Variants in DSTYK observed in about 807,000 individuals in gnomAD.
DSTYK encodes the protein RIP-homologous kinase.
In DSTYK, 34 loss-of-function variants were observed where a neutral mutation model predicts 98.7. The ratio of observed to expected loss-of-function variants is 0.34; its 90% CI spans 0.26 to 0.46. The LOEUF (loss-of-function observed/expected upper bound fraction) is 0.46. Among genes scored for constraint, DSTYK ranks in the 20% least tolerant of loss-of-function variants. The probability of loss-of-function intolerance (pLI) is 1.00; values close to 1 mark genes in which losing one functional copy is unlikely to be tolerated. For missense variants in DSTYK, 962 were observed against 1,181.7 expected (o/e 0.81, Z 2.73); for synonymous variants, 462 against 457.3 (o/e 1.01, Z -0.13).
chr1:205,155,963 C>G (rs888197760), intron 10 of DSTYK, among the ~76,000 whole-genome samples: 1 of 152,226 alleles, frequency 6.6e-6, no homozygotes, highest in African/African-American at 2.4e-5. Context: ...CTAAAAGGGG[C>G]CACCACATAG....
intron 7 of DSTYK, 44 bp from the exon 8 acceptor site, chr1:205,160,314 T>G (rs1436665013): frequency 6.4e-7 from 1 of 1,565,608 alleles, no homozygotes; most frequent in Non-Finnish European, 8.7e-7. Context: ...GAATGGGAAC[T>G]TCGTGGGCAA....
intron 1 of DSTYK, among the ~76,000 whole-genome samples, chr1:205,208,183 CT>C (rs1659264466): frequency 6.6e-6 from 1 of 152,150 alleles, no homozygotes; most frequent in African/African-American, 2.4e-5. Flanking sequence ...CCCAGCCTTA[CT>C]TTTTAAATTC....
At chr1:205,174,277 G>A (rs1452677789) in intron 2 of DSTYK, among the ~76,000 whole-genome samples, 1 of 151,940 alleles carries the variant, frequency 6.6e-6, no homozygotes, top group Non-Finnish European at 1.5e-5. Flanking sequence ...CACTTTGGGA[G>A]GCCGAGGCAG....
rs1280146701 is a variant in DSTYK, at chr1:205,144,669, AGAGACTTTC to A, written c.*2880_*2888del. ...TCCATATGTGGACTTTGGCTGGCCT[AGAGACTTTC>A]AAGAATATTTTGCACCTTTTCTCAA... On this transcript the variant is annotated 3_prime_UTR_variant, in exon 13 of 13. Transcript: ENST00000367162. 27 of 152,512 alleles carry A rather than the reference AGAGACTTTC, an allele frequency of 1.8e-4. No homozygotes were observed. The highest frequency in any genetic ancestry group is 6.5e-4 in the African/African-American group (27 of 41,584). The allele number at this position is 152,512 out of a possible 1,614,324, so 9.4% of individuals were successfully genotyped here. A position where few individuals can be genotyped will look rare whatever the true frequency, so the allele number is the denominator to read the frequency against.
intron 2 of DSTYK, among the ~76,000 whole-genome samples, chr1:205,185,857 T>C (rs1463610317): frequency 6.6e-6 from 1 of 152,002 alleles, no homozygotes; most frequent in Admixed American, 6.6e-5. Flanking sequence ...ACCCTGTCTC[T>C]ACTAAAATTA....
chr1:205,210,335 T>C (rs192773684), intron 1 of DSTYK, among the ~76,000 whole-genome samples: 304 of 152,290 alleles, frequency 2.0e-3, no homozygotes, highest in African/African-American at 7.0e-3. Context: ...ATACACACTT[T>C]AGTTTGAGAA....
At chr1:205,195,069 C>T (rs1157192255) in intron 1 of DSTYK, among the ~76,000 whole-genome samples, 2 of 151,368 alleles carry the variant, frequency 1.3e-5, no homozygotes, top group East Asian at 1.9e-4. Flanking sequence ...TCAGGTGATC[C>T]GCCTGCCTCA....
chr1:205,190,632 A>AC (rs1469622577), intron 1 of DSTYK, among the ~76,000 whole-genome samples: 1 of 150,900 alleles, frequency 6.6e-6, no homozygotes, highest in Non-Finnish European at 1.5e-5. Flanking sequence ...AAAAAAAAAA[A>AC]AAAAACCCAA....
At chr1:205,154,072 T>C (rs1644124481) in intron 10 of DSTYK, among the ~76,000 whole-genome samples, 1 of 151,570 alleles carries the variant, frequency 6.6e-6, no homozygotes, top group Non-Finnish European at 1.5e-5. Flanking sequence ...TGTGTGTGTG[T>C]GTGTGTGTGT....
chr1:205,164,130 A>G (rs1380303497), intron 3 of DSTYK, among the ~76,000 whole-genome samples, 175 bp from the exon 4 acceptor site: 1 of 152,186 alleles, frequency 6.6e-6, no homozygotes, highest in Admixed American at 6.5e-5. Flanking sequence ...CGTAACCCTC[A>G]ACTACTAAAG....
chr1:205,162,201 G>A lies in DSTYK; in HGVS notation c.1653C>T (p.Arg551=), dbSNP rs754209947. 2 of 1,613,882 alleles carry A rather than the reference G, an allele frequency of 1.2e-6. No individual in the cohort carries two copies. The highest frequency in any genetic ancestry group is 1.3e-5 in the African/African-American group (1 of 74,948). The part of the protein sequence containing the change: ...LWEQIKQIIQ[R]ITWVSPPAIT... ...TGGCAGGTGGGCTCACCCATGTGAT[G>A]CGCTGGATGATCTACCAGGATGAAG... The change falls in exon 6 of 13, where the codon CGC becomes CGT. Residue 551 remains arginine, a synonymous_variant. Coordinates refer to ENST00000367162, the MANE Select transcript of DSTYK (RefSeq NM_015375.3).
In DSTYK at chr1:205,163,722, C is replaced by A; in HGVS notation, c.1557+1G>T. On this transcript the variant is annotated splice_donor_variant, in intron 4 of 12. Coordinates refer to ENST00000367162, the MANE Select transcript of DSTYK (RefSeq NM_015375.3). LOFTEE classifies it high-confidence loss of function. ...TGTCTTAAAAATCATTCTTTGTCTA[C>A]CTGTTTGAGATAATTACTGGTGATG... 1 of 1,611,508 alleles carries A rather than the reference C, an allele frequency of 6.2e-7. No individual in the cohort carries two copies. The highest frequency in any genetic ancestry group is 8.5e-7 in the Non-Finnish European group (1 of 1,178,124).
intron 11 of DSTYK, among the ~76,000 whole-genome samples, chr1:205,149,272 G>A (rs1644416797): frequency 6.6e-6 from 1 of 151,914 alleles, no homozygotes. Context: ...CAGATGTTGA[G>A]TACGACTACA....
At position 205,169,242 on chromosome 1, in the gene DSTYK, T is replaced by C. The variant is rs1328915827; in HGVS notation, c.1245A>G (p.Glu415=). ...LMNIANRKQE[E]MKDMIVETLN... is the part of the protein sequence containing the mutation. ...GTGTCTCAACAATCATATCCTTCATTTCCTCCTGCTTTCGGTTGGCAATAT... is the reference window on the plus strand; with the variant it reads ...GTGTCTCAACAATCATATCCTTCATCTCCTCCTGCTTTCGGTTGGCAATAT... Residue 415 remains glutamate (E), a synonymous_variant, in exon 3 of 13, where the codon GAA becomes GAG. Coordinates refer to ENST00000367162, the MANE Select transcript of DSTYK (RefSeq NM_015375.3). This position sits in a 1 kb window ranked among gnomAD's most constrained non-coding sequence, Gnocchi z 4.0. 1.9e-6 allele frequency: 3 copies of C among 1,614,040 alleles called. No individual in the cohort carries two copies. Among genetic ancestry groups the C allele is most frequent in the East Asian group, 2.2e-5 (1 of 44,898 alleles).
chr1:205,163,032 CAT>C, intron 4 of DSTYK, 26 bp from the exon 5 acceptor site: 1 of 1,583,916 alleles, frequency 6.3e-7, no homozygotes, highest in African/African-American at 1.3e-5. Context: ...CCAAAGAAAA[CAT>C]GTCCTCAGTA....
At chr1:205,176,056 A>T (rs1310128522) in intron 2 of DSTYK, among the ~76,000 whole-genome samples, 1 of 152,196 alleles carries the variant, frequency 6.6e-6, no homozygotes, top group African/African-American at 2.4e-5. Flanking sequence ...CATGACAATA[A>T]CCCATAATTC....
At chr1:205,168,724 C>A (rs1403607349) in intron 3 of DSTYK, among the ~76,000 whole-genome samples, 1 of 152,156 alleles carries the variant, frequency 6.6e-6, no homozygotes, top group Non-Finnish European at 1.5e-5. Flanking sequence ...GGGAAATCCT[C>A]CTGATGTGGG....
At chr1:205,199,050 A>G (rs1181296840) in intron 1 of DSTYK, among the ~76,000 whole-genome samples, 1 of 152,182 alleles carries the variant, frequency 6.6e-6, no homozygotes, top group East Asian at 1.9e-4. Context: ...TTAAAAAATC[A>G]AAGGCTTTTA....
At chr1:205,149,202 A>C (rs1461665918) in intron 11 of DSTYK, among the ~76,000 whole-genome samples, 1 of 151,738 alleles carries the variant, frequency 6.6e-6, no homozygotes, top group Non-Finnish European at 1.5e-5. Context: ...CACCTGGCCG[A>C]AAGTTTTTTT....
Sources: gnomAD v4.1 joint callset for allele counts (sites outside exome capture counted in the v4.1 genomes callset) on GRCh38, gnomAD v4.1.1 for gene constraint, Gnocchi (gnomAD v3.1) non-coding constraint, MANE v1.5 for transcripts, NCBI Gene and HGNC (gene_info 2026-07-23, HGNC 2026-07-21) for gene names.